ACIN1: variants seen among roughly 807,000 people sequenced by gnomAD.
ACIN1 encodes the protein apoptotic chromatin condensation inducer in the nucleus.
ACIN1 carries 16 observed loss-of-function variants against 146.6 expected under a neutral mutation model. The ratio of observed to expected loss-of-function variants is 0.11; its 90% CI spans 0.07 to 0.17. The LOEUF is 0.17. ACIN1 is among the 10% of genes least tolerant of loss of function. The probability of loss-of-function intolerance (pLI) is 1.00; values close to 1 mark genes in which losing one functional copy is unlikely to be tolerated. For synonymous variants in ACIN1, 569 were observed against 582.7 expected (o/e 0.98, Z 0.34); for missense variants, 1,357 against 1,609.3 (o/e 0.84, Z 2.68).
rs34870944 is a variant in ACIN1, at chr14:23,079,578, C to CGTGAAT, written c.1756_1757insATTCAC (p.Ser585_Arg586insHisSer). 0.15 allele frequency: 244,723 copies of CGTGAAT among 1,613,692 alleles called. 19,924 individuals carry two copies. The highest frequency in any genetic ancestry group is 0.23 in the South Asian group (20,635 of 91,070). On this transcript the variant is annotated inframe_insertion, in exon 6 of 19. Transcript: ENST00000605057. ...GCTGTTGCTTGATGCTGAACGAGAA[C>CGTGAAT]GTGAACGTGACCTTGATCTGGACTC...
At chr14:23,089,751 G>A (rs1031611068) in intron 4 of ACIN1, among the ~76,000 whole-genome samples, 1 of 152,176 alleles carries the variant, frequency 6.6e-6, no homozygotes, top group Non-Finnish European at 1.5e-5. Flanking sequence ...AGGTACAGAT[G>A]AGAAGAAAAA....
rs1219621441 is a variant in ACIN1, at chr14:23,082,440, T to TC, written c.437-605_437-604insG. ...GTTTTATGTATTAGAGCTCAATATT[T>TC]TTTTTTTTTTTTTTTTTTTTTCTGA... On this transcript the variant is annotated intron_variant, in intron 4 of 18. Transcript: ENST00000605057. Among the ~76,000 whole-genome samples the TC allele has an allele frequency of 1.8e-4, 24 of 133,964 alleles. No homozygotes were observed. In the South Asian group the frequency reaches 5.4e-3, roughly 30 times the overall value. 87.9% of individuals were successfully genotyped at this position (133,964 alleles called of 152,430 possible).
At chr14:23,061,005 G>A (rs906218365) in intron 18 of ACIN1, 79 bp downstream of exon 18, 32 of 1,351,706 alleles carry the variant, frequency 2.4e-5, no homozygotes, top group South Asian at 1.3e-4. Flanking sequence ...ACTCACTCTC[G>A]CAGTCACATG....
intron 2 of ACIN1, among the ~76,000 whole-genome samples, chr14:23,092,226 T>G (rs556312083): frequency 6.6e-6 from 1 of 152,290 alleles, no homozygotes; most frequent in East Asian, 1.9e-4. Flanking sequence ...CAAAAAAACC[T>G]GAATACTTTC....
chr14:23,063,194 G>C, intron 13 of ACIN1, 120 bp from the exon 14 acceptor site: 1 of 1,219,816 alleles, frequency 8.2e-7, no homozygotes, highest in East Asian at 2.4e-5. Flanking sequence ...TAATCTAAAC[G>C]TGCAGAGCAC....
chr14:23,088,317 T>G (rs2048139507), intron 4 of ACIN1, among the ~76,000 whole-genome samples: 1 of 152,204 alleles, frequency 6.6e-6, no homozygotes, highest in African/African-American at 2.4e-5. Flanking sequence ...CCTAAGGAAC[T>G]TAATAATTCC....
At chr14:23,088,814 T>G (rs903331031) in intron 4 of ACIN1, among the ~76,000 whole-genome samples, 1 of 152,134 alleles carries the variant, frequency 6.6e-6, no homozygotes, top group South Asian at 2.1e-4. Context: ...TTATACTTTC[T>G]GATTCAGCAT....
chr14:23,093,353 AT>A (rs1594792368), intron 2 of ACIN1, 125 bp downstream of exon 2: 3 of 968,456 alleles, frequency 3.1e-6, no homozygotes, highest in Non-Finnish European at 4.8e-6. Flanking sequence ...GTTTGAGAAC[AT>A]TTCTGACTAA....
chr14:23,060,926 T>C (rs1448451104), intron 18 of ACIN1, among the ~76,000 whole-genome samples, 158 bp downstream of exon 18: 2 of 152,226 alleles, frequency 1.3e-5, no homozygotes, highest in African/African-American at 4.8e-5. Context: ...CTCTATGTTA[T>C]ACCAATTAAC....
intron 12 of ACIN1, 92 bp from the exon 13 acceptor site, chr14:23,063,669 A>C (rs1205995371): frequency 2.1e-6 from 3 of 1,445,588 alleles, no homozygotes; most frequent in African/African-American, 1.4e-5. Context: ...AGTAGCAGTC[A>C]ATCTAGCATG....
intron 10 of ACIN1, among the ~76,000 whole-genome samples, chr14:23,065,227 A>G (rs1425081609): frequency 6.6e-6 from 1 of 152,236 alleles, no homozygotes; most frequent in Non-Finnish European, 1.5e-5. Context: ...TCATTGGGGA[A>G]AATGTTAAAA....
chr14:23,081,919 C>T (rs1020694022), intron 4 of ACIN1, 83 bp from the exon 5 acceptor site: 1 of 1,088,598 alleles, frequency 9.2e-7, no homozygotes, highest in Non-Finnish European at 1.4e-6. Flanking sequence ...TTCTAATATC[C>T]AACCAATTAT....
At chr14:23,071,748 C>T (rs2047662722) in intron 8 of ACIN1, 1 of 563,100 alleles carries the variant, frequency 1.8e-6, no homozygotes, top group Non-Finnish European at 3.0e-6. Flanking sequence ...GGCTTAACCC[C>T]CCAGGGCTGG....
intron 16 of ACIN1, 50 bp downstream of exon 16, chr14:23,062,118 A>C (rs1372564302): frequency 6.8e-7 from 1 of 1,472,450 alleles, no homozygotes; most frequent in African/African-American, 1.4e-5. Flanking sequence ...AATCTAGCAG[A>C]TAATGGCTTC....
At position 23,080,579 on chromosome 14, in the gene ACIN1, C is replaced by A. The variant is rs2140161897; in HGVS notation, c.756G>T (p.Glu252Asp). The change falls in exon 6 of 19, where the codon GAG becomes GAT. Residue 252 changes from glutamate to aspartate, a missense_variant. This residue lies in a region of ACIN1 where 771 missense variants were observed against 746.6 expected (regional missense o/e 1.03). Coordinates refer to ENST00000605057, the MANE Select transcript of ACIN1 (RefSeq NM_001386863.1). Reference sequence around the variant, plus strand: ...TCTCCTCTGGTTTTACTCTAGGTATCTCTTCCCCTTCTTCCTTAAACTCTT... The same window carrying A: ...TCTCCTCTGGTTTTACTCTAGGTATATCTTCCCCTTCTTCCTTAAACTCTT... ...ILKEFKEEGE[E>D]IPRVKPEEMM... is the part of the protein sequence containing the mutation. The A allele has an allele frequency of 1.2e-6, 2 of 1,614,110 alleles. No individual in the cohort carries two copies. The highest frequency in any genetic ancestry group is 1.7e-6 in the Non-Finnish European group (2 of 1,180,018).
rs116839822 is a variant in ACIN1, at chr14:23,093,526, A to G, written c.157T>C (p.Leu53=). ...RLKGALMLEN[L]QKHSTPHAAF... ...GCATGGGGTGTTGAGTGTTTCTGTAAATTTTCTAGCATTAGAGCCTGGTAT... is the reference window on the plus strand; with the variant it reads ...GCATGGGGTGTTGAGTGTTTCTGTAGATTTTCTAGCATTAGAGCCTGGTAT... The change falls in exon 2 of 19, where the codon TTA becomes CTA. Residue 53 remains leucine, a synonymous_variant. Transcript: ENST00000605057. The G allele has an allele frequency of 1.0e-3, 1,680 of 1,614,110 alleles. 36 individuals carry two copies. In the East Asian group the frequency reaches 0.035, roughly 33 times the overall value.
In ACIN1 at chr14:23,067,418, G is replaced by T; in HGVS notation, c.2266-1410C>A. ...CCCTGCTAGGCGCTGTGCAATTGGT[G>T]GGGGGTTGGGTTGGCAAAAAAGGTG... On this transcript the variant is annotated intron_variant, in intron 9 of 18. Coordinates refer to ENST00000605057, the MANE Select transcript of ACIN1 (RefSeq NM_001386863.1). The surrounding 1 kb of genome is among the most constrained non-coding windows in gnomAD (Gnocchi z 4.6). The T allele has an allele frequency of 1.0e-6, 1 of 985,736 alleles. No homozygotes were observed. 61.1% of individuals were successfully genotyped at this position (985,736 alleles called of 1,614,324 possible).
intron 2 of ACIN1, among the ~76,000 whole-genome samples, chr14:23,093,188 A>T (rs2048271202): frequency 6.6e-6 from 1 of 152,236 alleles, no homozygotes; most frequent in Non-Finnish European, 1.5e-5. Flanking sequence ...CATGGCAGAT[A>T]AATGACTTCA....
At chr14:23,094,667 G>T in intron 1 of ACIN1, 1 of 764,466 alleles carries the variant, frequency 1.3e-6, no homozygotes, top group Non-Finnish European at 1.9e-6. Flanking sequence ...TCCTTCTGCA[G>T]CGCATGCGCC....
Sources: gnomAD v4.1 joint callset for allele counts (sites outside exome capture counted in the v4.1 genomes callset) on GRCh38, gnomAD v4.1.1 for gene constraint, gnomAD v4.1.1 regional missense constraint, Gnocchi (gnomAD v3.1) non-coding constraint, MANE v1.5 for transcripts, NCBI Gene and HGNC (gene_info 2026-07-23, HGNC 2026-07-21) for gene names.